The following GRM7 variants were observed in gnomAD, a reference collection of about 807,000 sequenced individuals.
GRM7 encodes glutamate metabotropic receptor 7.
GRM7 carries 35 observed loss-of-function variants against 84.5 expected under a neutral mutation model. That is an observed-to-expected ratio of 0.41 (90% CI 0.32 to 0.55). GRM7 has a LOEUF of 0.55. GRM7 is among the 20% of genes least tolerant of loss of function. The probability of loss-of-function intolerance (pLI) is 0.19; values close to 1 mark genes in which losing one functional copy is unlikely to be tolerated. For missense variants in GRM7, 1,003 were observed against 1,194.6 expected, an observed-to-expected ratio of 0.84 and a Z score of 2.36; for synonymous variants, 487 against 455.1, an observed-to-expected ratio of 1.07 and a Z score of -0.89.
intron 4 of GRM7, among the ~76,000 whole-genome samples, chr3:7,411,280 AT>A (rs920481889): frequency 3.3e-5 from 5 of 152,196 alleles, no homozygotes; most frequent in African/African-American, 9.7e-5. Context: ...GGACATGGAC[AT>A]TTTTTAAGAG....
intron 2 of GRM7, among the ~76,000 whole-genome samples, chr3:7,227,857 G>A (rs1040015420): frequency 1.3e-5 from 2 of 152,124 alleles, no homozygotes; most frequent in African/African-American, 2.4e-5. Context: ...GCAACATAAT[G>A]GCTTAGATTA....
intron 3 of GRM7, among the ~76,000 whole-genome samples, chr3:7,306,034 A>G (rs981862427): frequency 2.0e-5 from 3 of 152,158 alleles, no homozygotes; most frequent in Admixed American, 6.5e-5. Flanking sequence ...GTTTATTTTA[A>G]TAAATAATTA....
At chr3:7,436,744 C>A (rs1179191691) in intron 5 of GRM7, among the ~76,000 whole-genome samples, 1 of 152,172 alleles carries the variant, frequency 6.6e-6, no homozygotes, top group Non-Finnish European at 1.5e-5. Context: ...CACACTTCTG[C>A]TTTTTTCAGC....
intron 1 of GRM7, among the ~76,000 whole-genome samples, chr3:6,963,469 T>G (rs1440089125): frequency 6.6e-6 from 1 of 152,184 alleles, no homozygotes; most frequent in East Asian, 1.9e-4. Context: ...AAGAAGAGAA[T>G]GCACTAATAA....
chr3:7,270,089 A>G (rs1308488584), intron 2 of GRM7, among the ~76,000 whole-genome samples: 1 of 152,210 alleles, frequency 6.6e-6, no homozygotes, highest in African/African-American at 2.4e-5. Context: ...AGGCCATAGC[A>G]TTTACATTTC....
At chr3:7,331,139 T>G (rs1701193749) in intron 4 of GRM7, among the ~76,000 whole-genome samples, 1 of 152,226 alleles carries the variant, frequency 6.6e-6, no homozygotes, top group East Asian at 1.9e-4. Flanking sequence ...TCTTAGTTAA[T>G]ACTGTATTCC....
chr3:6,909,532 G>T (rs998289007), intron 1 of GRM7, among the ~76,000 whole-genome samples: 5 of 152,096 alleles, frequency 3.3e-5, no homozygotes, highest in Non-Finnish European at 7.4e-5. Context: ...TCTCAGAAAT[G>T]TTAGTTAGAT....
At chr3:7,437,126 G>A (rs1333012476) in intron 5 of GRM7, among the ~76,000 whole-genome samples, 2 of 152,104 alleles carry the variant, frequency 1.3e-5, no homozygotes, top group Non-Finnish European at 2.9e-5. Flanking sequence ...CTGATAAGTG[G>A]CAGAACCAAA....
chr3:7,667,280 AAG>A (rs747820741), intron 8 of GRM7, among the ~76,000 whole-genome samples: 196 of 148,886 alleles, frequency 1.3e-3, no homozygotes, highest in Middle Eastern at 3.5e-3. Flanking sequence ...AAAAAAAAAA[AAG>A]AGAGAGAGAG....
chr3:7,101,608 A>G (rs1165670980), intron 1 of GRM7, among the ~76,000 whole-genome samples: 2 of 151,166 alleles, frequency 1.3e-5, no homozygotes, highest in African/African-American at 4.8e-5. Context: ...TATTTATTCT[A>G]TTTGACTTTT....
intron 5 of GRM7, among the ~76,000 whole-genome samples, chr3:7,428,803 G>A (rs1380589582): frequency 1.3e-5 from 2 of 152,076 alleles, no homozygotes; most frequent in African/African-American, 4.8e-5. Context: ...CCTTTAAACT[G>A]TATTTTTTAT....
At chr3:7,716,621 A>G (rs73023784) in intron 9 of GRM7, among the ~76,000 whole-genome samples, 11,387 of 152,256 alleles carry the variant, frequency 0.075, 515 homozygotes, top group South Asian at 0.12. Context: ...TGAAATTAAC[A>G]GCCCCAGTCT....
chr3:7,439,301 T>A (rs1697189020), intron 5 of GRM7, among the ~76,000 whole-genome samples: 1 of 152,122 alleles, frequency 6.6e-6, no homozygotes, highest in Non-Finnish European at 1.5e-5. Flanking sequence ...AGGTCAGCAA[T>A]ATTTACTGTC....
intron 1 of GRM7, among the ~76,000 whole-genome samples, chr3:7,049,487 G>A (rs1484181214): frequency 1.3e-5 from 2 of 151,828 alleles, no homozygotes; most frequent in Non-Finnish European, 1.5e-5. Context: ...TTTCCACCTG[G>A]CCCTACCCTT....
chr3:7,730,173 A>G (rs1002455864), intron 9 of GRM7, among the ~76,000 whole-genome samples: 2 of 148,506 alleles, frequency 1.3e-5, no homozygotes, highest in African/African-American at 5.0e-5. Flanking sequence ...ACACCTGGCT[A>G]ATTTTTGTAT....
In GRM7 at chr3:7,229,862, C is replaced by T. The variant is rs192360192; in HGVS notation, c.737-68822C>T. Among the ~76,000 whole-genome samples, 478 of 95,094 alleles carry T rather than the reference C, an allele frequency of 5.0e-3. 25 individuals are homozygous for T. In the East Asian group the frequency reaches 0.11, roughly 22 times the overall value. 62.4% of individuals were successfully genotyped at this position (95,094 alleles called of 152,430 possible). The stretch of plus-strand genomic sequence containing the variant: ...TTCTTTTTTTTTTTTTTTTTTGAGA[C>T]GGAGTCTTGCTCTGTTGCCCAGGAT... On this transcript the variant is annotated intron_variant, in intron 2 of 9. Coordinates refer to ENST00000357716, the MANE Select transcript of GRM7 (RefSeq NM_000844.4).
intron 5 of GRM7, among the ~76,000 whole-genome samples, chr3:7,419,228 G>A (rs757339998): frequency 9.2e-5 from 14 of 152,138 alleles, no homozygotes; most frequent in Non-Finnish European, 1.8e-4. Flanking sequence ...GCAGACAGGC[G>A]TCATGCAATG....
chr3:7,443,728 A>G (rs990868587), intron 5 of GRM7, among the ~76,000 whole-genome samples: 2 of 152,144 alleles, frequency 1.3e-5, no homozygotes, highest in African/African-American at 4.8e-5. Context: ...TACATTTAGT[A>G]TTGCAACACT....
chr3:7,292,738 C>A (rs1354592718), intron 2 of GRM7, among the ~76,000 whole-genome samples: 13 of 146,690 alleles, frequency 8.9e-5, no homozygotes, highest in Admixed American at 1.4e-4. Context: ...AAAAAAAAAA[C>A]AAACCATTGA....
Sources: gnomAD v4.1 joint callset for allele counts (sites outside exome capture counted in the v4.1 genomes callset) on GRCh38, gnomAD v4.1.1 for gene constraint, MANE v1.5 for transcripts, NCBI Gene and HGNC (gene_info 2026-07-23, HGNC 2026-07-21) for gene names.